The following SLC30A5 variants were observed in gnomAD, a reference collection of about 807,000 sequenced individuals.
SLC30A5 encodes the protein solute carrier family 30 member 5.
A neutral mutation model predicts 79.6 loss-of-function variants in SLC30A5; 33 were observed. The ratio of observed to expected loss-of-function variants is 0.41; its 90% CI spans 0.31 to 0.55. The LOEUF (loss-of-function observed/expected upper bound fraction) is 0.55, where lower values mean the gene tolerates loss of function less well. SLC30A5 is among the 20% of genes least tolerant of loss of function. The probability of loss-of-function intolerance (pLI) is 0.20; values close to 1 mark genes in which losing one functional copy is unlikely to be tolerated. For synonymous variants in SLC30A5, 299 were observed against 319.7 expected, an observed-to-expected ratio of 0.94 and a Z score of 0.69; for missense variants, 788 against 928.1, an observed-to-expected ratio of 0.85 and a Z score of 1.96.
chr5:69,112,651 A>G (rs1489445385), intron 5 of SLC30A5, among the ~76,000 whole-genome samples: 1 of 152,002 alleles, frequency 6.6e-6, no homozygotes. Flanking sequence ...CATAAATTTT[A>G]TCAGCTTTTT....
intron 2 of SLC30A5, among the ~76,000 whole-genome samples, chr5:69,101,927 A>T (rs1207359326): frequency 6.6e-6 from 1 of 150,618 alleles, no homozygotes; most frequent in Non-Finnish European, 1.5e-5. Context: ...ACTGCACTCC[A>T]GCCTGGGCAA....
In SLC30A5 at chr5:69,100,792, G is replaced by A. The variant is rs770162897; in HGVS notation, c.84-15G>A. ...TTCAGTGATACTAAAAATTGTTTCT[G>A]CTTTTATTTTTCAGATTAACAAAAT... On this transcript the variant is annotated splice_polypyrimidine_tract_variant and intron_variant, in intron 1 of 15. Coordinates refer to ENST00000396591, the MANE Select transcript of SLC30A5 (RefSeq NM_022902.5). The A allele has an allele frequency of 6.3e-7, 1 of 1,579,208 alleles. No individual in the cohort carries two copies. The highest frequency in any genetic ancestry group is 1.4e-5 in the African/African-American group (1 of 73,582).
At chr5:69,108,852 CT>C (rs1441348558) in intron 5 of SLC30A5, among the ~76,000 whole-genome samples, 1 of 150,298 alleles carries the variant, frequency 6.7e-6, no homozygotes, top group African/African-American at 2.4e-5. Context: ...ATTCCAGGGG[CT>C]TTTTCCGCTA....
intron 3 of SLC30A5, chr5:69,104,347 G>T: frequency 1.6e-6 from 1 of 623,862 alleles, no homozygotes; most frequent in African/African-American, 2.0e-5. Context: ...TCACCACATT[G>T]GCCAGCCTGG....
chr5:69,129,350 A>G (rs1182291947), intron 15 of SLC30A5, 97 bp from the exon 16 acceptor site: 28 of 846,486 alleles, frequency 3.3e-5, no homozygotes, highest in Non-Finnish European at 4.4e-5. Flanking sequence ...TTCAGATTAA[A>G]GATACTCAAC....
intron 1 of SLC30A5, among the ~76,000 whole-genome samples, chr5:69,099,661 C>A (rs555502596): frequency 1.5e-3 from 229 of 152,290 alleles, no homozygotes; most frequent in African/African-American, 5.3e-3. Context: ...ATTGACCTTT[C>A]AACCACAACT....
rs762325409 is a variant in SLC30A5 at position 69,116,480 on chromosome 5, T to C, written c.1159T>C (p.Phe387Leu). Residue 387 changes from phenylalanine to leucine, a missense_variant, in exon 10 of 16, where the codon TTC (phenylalanine) becomes CTC (leucine). By Grantham distance (22) the Phe-to-Leu change is conservative (BLOSUM62 0). Around this residue, in one of 3 missense-constraint regions of SLC30A5, gnomAD observed 626 missense variants for 755.5 expected, o/e 0.83. Transcript: ENST00000396591. The surrounding 1 kb of genome is among the most constrained non-coding windows in gnomAD (Gnocchi z 4.0). The stretch of plus-strand genomic sequence containing the variant: ...TCCTGAAGGAACACCTCTTTATAAC[T>C]TCATGGGTGATGCTTTTCAGCATAG... The part of the protein sequence containing the change: ...YSPEGTPLYN[F>L]MGDAFQHSSQ... 1 of 1,613,126 alleles carries C rather than the reference T, an allele frequency of 6.2e-7. No individual in the cohort carries two copies. The highest frequency in any genetic ancestry group is 8.5e-7 in the Non-Finnish European group (1 of 1,179,630).
chr5:69,123,480 T>G (rs757148089), intron 14 of SLC30A5, 55 bp downstream of exon 14: 22 of 1,396,910 alleles, frequency 1.6e-5, no homozygotes, highest in Non-Finnish European at 2.2e-5. Context: ...ATTTTTGAAG[T>G]CTTTGCTGGA....
chr5:69,127,013 A>C (rs1746715133), intron 14 of SLC30A5, among the ~76,000 whole-genome samples: 1 of 151,988 alleles, frequency 6.6e-6, no homozygotes, highest in Non-Finnish European at 1.5e-5. Flanking sequence ...ATGGCAAAAA[A>C]CTTTCGTAAT....
rs909069950 is a variant in SLC30A5 at position 69,094,131 on chromosome 5, T to C, written c.-125T>C. The C allele has an allele frequency of 1.5e-5, 7 of 481,112 alleles. No individual in the cohort carries two copies. Among genetic ancestry groups the C allele is most frequent in the Non-Finnish European group, 2.4e-5 (7 of 292,294 alleles). 29.8% of individuals were successfully genotyped at this position (481,112 alleles called of 1,614,324 possible). A position where few individuals can be genotyped will look rare whatever the true frequency, so the allele number is the denominator to read the frequency against. On this transcript the variant is annotated 5_prime_UTR_variant, in exon 1 of 16. Transcript: ENST00000396591. ...CGACGGCGGCAGTGGCGGCCCGGCC[T>C]GCAGGAGCCCGACGGGGTCTCTGCC...
Position 69,130,186 on chromosome 5 carries a change from G to A in SLC30A5, c.*569G>A, listed in dbSNP as rs2112014005. The A allele has an allele frequency of 6.6e-6, 1 of 152,212 alleles. No homozygotes were observed. Among genetic ancestry groups the A allele is most frequent in the South Asian group, 2.1e-4 (1 of 4,816 alleles). 9.4% of individuals were successfully genotyped at this position (152,212 alleles called of 1,614,324 possible). On this transcript the variant is annotated 3_prime_UTR_variant, in exon 16 of 16. Transcript: ENST00000396591. The stretch of plus-strand genomic sequence containing the variant: ...TGATATGAGATAAGCAATGAGAATA[G>A]GGAAGTGTATAACATCACAGTTTTT...
intron 14 of SLC30A5, among the ~76,000 whole-genome samples, chr5:69,124,633 G>A (rs1158536366): frequency 6.6e-6 from 1 of 152,054 alleles, no homozygotes; most frequent in African/African-American, 2.4e-5. Flanking sequence ...TGGAGTGGAG[G>A]GGCGCAATCC....
chr5:69,109,891 C>T (rs970344429), intron 5 of SLC30A5, among the ~76,000 whole-genome samples: 2 of 152,108 alleles, frequency 1.3e-5, no homozygotes, highest in Non-Finnish European at 2.9e-5. Flanking sequence ...GGAACCAGGC[C>T]GCTTACAGAC....
At chr5:69,096,852 TG>T (rs749939059) in intron 1 of SLC30A5, among the ~76,000 whole-genome samples, 10 of 151,932 alleles carry the variant, frequency 6.6e-5, no homozygotes, top group Admixed American at 1.3e-4. Flanking sequence ...TCCAGCTACT[TG>T]GGAGGCTAAG....
chr5:69,117,721 A>G lies in SLC30A5; in HGVS notation c.1439+325A>G, dbSNP rs1746409222. On this transcript the variant is annotated intron_variant, in intron 11 of 15. Transcript: ENST00000396591. ...GTGAAACCTCGTCTCTACTAAAAAT[A>G]CAAAAATTAGCCGGGTATGGTGGCA... 4.0e-5 allele frequency among the ~76,000 whole-genome samples: 6 copies of G among 151,846 alleles called. No homozygotes were observed. In the South Asian group the frequency reaches 1.2e-3, roughly 31 times the overall value.
At position 69,094,233 on chromosome 5, in the gene SLC30A5, G is replaced by A; in HGVS notation, c.-23G>A. The A allele has an allele frequency of 8.6e-7, 1 of 1,166,916 alleles. No homozygotes were observed. The allele number at this position is 1,166,916 out of a possible 1,614,324, so 72.3% of individuals were successfully genotyped here. A position where few individuals can be genotyped will look rare whatever the true frequency, so the allele number is the denominator to read the frequency against. On this transcript the variant is annotated 5_prime_UTR_variant, in exon 1 of 16. Coordinates refer to ENST00000396591, the MANE Select transcript of SLC30A5 (RefSeq NM_022902.5). ...GAGGAGACCCCGCGACAGGGGCAGC[G>A]GCGGCGGCTCGTGAGCCCCGGGATG...
intron 5 of SLC30A5, among the ~76,000 whole-genome samples, chr5:69,108,728 A>G (rs1430389122): frequency 6.7e-6 from 1 of 150,346 alleles, no homozygotes; most frequent in Non-Finnish European, 1.5e-5. Context: ...AGGCTGAGGC[A>G]TGAGAATTGC....
At chr5:69,101,688 G>A (rs1424603891) in intron 2 of SLC30A5, among the ~76,000 whole-genome samples, 1 of 151,542 alleles carries the variant, frequency 6.6e-6, no homozygotes, top group Non-Finnish European at 1.5e-5. Context: ...TGGGCACGGT[G>A]GCTCATGCCT....
At chr5:69,125,957 G>A (rs1431050041) in intron 14 of SLC30A5, among the ~76,000 whole-genome samples, 1 of 150,600 alleles carries the variant, frequency 6.6e-6, no homozygotes, top group Non-Finnish European at 1.5e-5. Flanking sequence ...GCTGAAGCAT[G>A]AGAATCACTT....
Sources: gnomAD v4.1 joint callset for allele counts (sites outside exome capture counted in the v4.1 genomes callset) on GRCh38, gnomAD v4.1.1 for gene constraint, gnomAD v4.1.1 regional missense constraint, Gnocchi (gnomAD v3.1) non-coding constraint, MANE v1.5 for transcripts, NCBI Gene and HGNC (gene_info 2026-07-23, HGNC 2026-07-21) for gene names.